The following MACROD2 variants were observed in gnomAD, a reference collection of about 807,000 sequenced individuals.
MACROD2 encodes ADP-ribose glycohydrolase MACROD2.
A neutral mutation model predicts 70.4 loss-of-function variants in MACROD2; 36 were observed. The observed-to-expected ratio is 0.51, with a 90% CI of 0.39 to 0.68. The LOEUF (loss-of-function observed/expected upper bound fraction) is 0.68, where lower values mean the gene tolerates loss of function less well. Among genes scored for constraint, MACROD2 ranks in the 30% least tolerant of loss-of-function variants. The pLI is 0.00. For synonymous variants in MACROD2, 172 were observed against 178.8 expected, an observed-to-expected ratio of 0.96 and a Z score of 0.30; for missense variants, 496 against 538.4, an observed-to-expected ratio of 0.92 and a Z score of 0.78.
Position 14,850,989 on chromosome 20 carries a change from G to C in MACROD2, c.418+166030G>C, listed in dbSNP as rs531224609. Among the ~76,000 whole-genome samples the C allele has an allele frequency of 3.6e-4, 55 of 152,092 alleles. No homozygotes were observed. In the Middle Eastern group the frequency reaches 0.01, roughly 28 times the overall value. On this transcript the variant is annotated intron_variant, in intron 5 of 17. Transcript: ENST00000684519. ...AACCTAGCATTGACAGTACAGTCCT[G>C]AATTGTTGTGTTGTGATAGGACATA...
At chr20:15,370,377 T>C (rs994686349) in intron 6 of MACROD2, among the ~76,000 whole-genome samples, 7 of 152,202 alleles carry the variant, frequency 4.6e-5, no homozygotes, top group African/African-American at 1.7e-4. Flanking sequence ...CACACTCCAA[T>C]TGACATTTTC....
At chr20:14,250,204 A>T (rs751480792) in intron 3 of MACROD2, among the ~76,000 whole-genome samples, 5 of 151,860 alleles carry the variant, frequency 3.3e-5, no homozygotes, top group Non-Finnish European at 7.4e-5. Flanking sequence ...TCTGGGCTGT[A>T]TGTGGGCGCA....
intron 5 of MACROD2, among the ~76,000 whole-genome samples, chr20:15,020,871 C>G (rs777230273): frequency 6.6e-6 from 1 of 150,816 alleles, no homozygotes; most frequent in South Asian, 2.1e-4. Context: ...TGTAATGTGG[C>G]GCATGACTCT....
intron 8 of MACROD2, among the ~76,000 whole-genome samples, chr20:15,524,155 T>C (rs915729346): frequency 6.6e-6 from 1 of 152,144 alleles, no homozygotes; most frequent in African/African-American, 2.4e-5. Context: ...GAGGTCCTTG[T>C]TCTCTCTGTT....
intron 8 of MACROD2, among the ~76,000 whole-genome samples, chr20:15,550,695 T>C (rs776612872): frequency 1.3e-5 from 2 of 152,240 alleles, no homozygotes; most frequent in South Asian, 2.1e-4. Context: ...AACCATTATA[T>C]TGATGGCTGC....
At chr20:14,230,650 T>TAA (rs1369046877) in intron 3 of MACROD2, among the ~76,000 whole-genome samples, 2 of 26,354 alleles carry the variant, frequency 7.6e-5, no homozygotes, top group Non-Finnish European at 1.3e-4. Context: ...TATATATATA[T>TAA]ATATAACACA....
chr20:15,734,711 T>C (rs1269445531), intron 8 of MACROD2, among the ~76,000 whole-genome samples: 2 of 152,198 alleles, frequency 1.3e-5, no homozygotes, highest in African/African-American at 4.8e-5. Flanking sequence ...TTCTGGCATA[T>C]GTGTCTATAT....
intron 4 of MACROD2, among the ~76,000 whole-genome samples, chr20:14,541,017 T>C (rs1485578736): frequency 5.3e-5 from 8 of 152,220 alleles, no homozygotes; most frequent in Admixed American, 5.2e-4. Flanking sequence ...GGAATATCTT[T>C]ATGTGGTGAA....
At position 14,780,368 on chromosome 20, in the gene MACROD2, G is replaced by A. The variant is rs1336278270; in HGVS notation, c.418+95409G>A. 4.6e-5 allele frequency among the ~76,000 whole-genome samples: 7 copies of A among 151,966 alleles called. No individual in the cohort carries two copies. The East Asian group carries it at 1.4e-3, about 29-fold the overall frequency. ...ACCTGAGGTCAGGGGTTCGAGAGCA[G>A]CCTGACCAACATGGAAAAACGCCAT... On this transcript the variant is annotated intron_variant, in intron 5 of 17. Transcript: ENST00000684519.
intron 7 of MACROD2, among the ~76,000 whole-genome samples, chr20:15,454,665 G>GTGGAGAGGAATTGATTAATTA (rs1279132462): frequency 1.1e-3 from 134 of 127,216 alleles, no homozygotes; most frequent in Middle Eastern, 4.2e-3. Flanking sequence ...CAGTCACGCT[G>GTGGAGAGGAATTGATTAATTA]GCTCTCTTCA....
At chr20:15,483,795 C>T (rs1450962903) in intron 7 of MACROD2, among the ~76,000 whole-genome samples, 2 of 151,942 alleles carry the variant, frequency 1.3e-5, no homozygotes, top group Non-Finnish European at 2.9e-5. Flanking sequence ...GTTAGATTTA[C>T]ACCTAAGTAT....
intron 5 of MACROD2, among the ~76,000 whole-genome samples, chr20:15,079,245 G>A (rs1381069626): frequency 2.0e-5 from 3 of 151,790 alleles, no homozygotes; most frequent in Non-Finnish European, 4.4e-5. Flanking sequence ...GGGAATTTTA[G>A]CATTTTTTCC....
At chr20:15,062,012 T>G (rs930735162) in intron 5 of MACROD2, among the ~76,000 whole-genome samples, 3 of 152,196 alleles carry the variant, frequency 2.0e-5, no homozygotes, top group African/African-American at 4.8e-5. Flanking sequence ...GGCAGCTTGT[T>G]GCTCTGAAGG....
intron 5 of MACROD2, among the ~76,000 whole-genome samples, chr20:14,822,195 A>G (rs2072853457): frequency 2.0e-5 from 3 of 152,086 alleles, no homozygotes. Flanking sequence ...GGAATGTGAT[A>G]TCACTTATCC....
chr20:15,245,630 A>G, intron 6 of MACROD2, among the ~76,000 whole-genome samples: 1 of 152,188 alleles, frequency 6.6e-6, no homozygotes, highest in African/African-American at 2.4e-5. Context: ...GTGTCCATGC[A>G]ACCATTCTGT....
chr20:15,772,101 A>ATAT (rs1476065147), intron 8 of MACROD2, among the ~76,000 whole-genome samples: 89 of 91,412 alleles, frequency 9.7e-4, no homozygotes, highest in Admixed American at 1.4e-3. Flanking sequence ...AAAAAAAAAA[A>ATAT]ATATATATAT....
chr20:14,915,304 T>C (rs143962043), intron 5 of MACROD2, among the ~76,000 whole-genome samples: 2 of 152,294 alleles, frequency 1.3e-5, no homozygotes, highest in African/African-American at 4.8e-5. Flanking sequence ...GGCATTCTGG[T>C]GTCTTCAAAA....
At chr20:15,349,947 ACCC>A (rs1276737464) in intron 6 of MACROD2, among the ~76,000 whole-genome samples, 1 of 152,004 alleles carries the variant, frequency 6.6e-6, no homozygotes, top group Non-Finnish European at 1.5e-5. Flanking sequence ...AGCCACTCCC[ACCC>A]TCTTCCATCC....
At chr20:14,762,529 C>T (rs188470076) in intron 5 of MACROD2, among the ~76,000 whole-genome samples, 1 of 152,236 alleles carries the variant, frequency 6.6e-6, no homozygotes, top group African/African-American at 2.4e-5. Flanking sequence ...GACATTCTCT[C>T]ACTTACTTAC....
Sources: allele counts gnomAD v4.1 joint callset (sites outside exome capture counted in the v4.1 genomes callset), GRCh38; gene constraint gnomAD v4.1.1; transcripts MANE v1.5; gene names NCBI Gene and HGNC (gene_info 2026-07-23, HGNC 2026-07-21).